Variants in KLKB1 observed in about 807,000 individuals in gnomAD.
KLKB1 encodes plasma kallikrein.
A neutral mutation model predicts 73.6 loss-of-function variants in KLKB1; 58 were observed. That is an observed-to-expected ratio of 0.79 (90% CI 0.64 to 0.98). The LOEUF (loss-of-function observed/expected upper bound fraction) is 0.98. Among genes scored for constraint, KLKB1 ranks in the 50% least tolerant of loss-of-function variants. KLKB1 has a pLI of 0.00. For missense variants in KLKB1, 737 were observed against 763.8 expected (o/e 0.96, Z 0.41); for synonymous variants, 280 against 258.1 (o/e 1.08, Z -0.81).
chr4:186,251,034 G>A lies in KLKB1; in HGVS notation c.759-185G>A, dbSNP rs2126668901. 3 of 578,260 alleles carry A rather than the reference G, an allele frequency of 5.2e-6. No individual in the cohort carries two copies. The East Asian group carries it at 8.6e-5, about 17-fold the overall frequency. 35.8% of individuals were successfully genotyped at this position (578,260 alleles called of 1,614,324 possible). On this transcript the variant is annotated intron_variant, in intron 7 of 14. Coordinates refer to ENST00000264690, the MANE Select transcript of KLKB1 (RefSeq NM_000892.5). ...ATTAGTTTTCTCCAGAGGGAGAGGT[G>A]GCTTGATTTACATTTAATCTCTGCA...
intron 14 of KLKB1, 103 bp from the exon 15 acceptor site, chr4:186,257,918 G>T (rs949907557): frequency 1.0e-6 from 1 of 984,100 alleles, no homozygotes. Context: ...GTATCTGTGT[G>T]TGTGTGTTGC....
chr4:186,242,357 C>T (rs4253269), intron 6 of KLKB1, among the ~76,000 whole-genome samples: 36,594 of 151,842 alleles, frequency 0.24, 4,817 homozygotes, highest in South Asian at 0.31. Flanking sequence ...AAAAAGAAAA[C>T]GAAATAGTGG....
At chr4:186,226,902 G>T (rs974135945), upstream of KLKB1, among the ~76,000 whole-genome samples, 1 of 152,154 alleles carries the variant, frequency 6.6e-6, no homozygotes, top group African/African-American at 2.4e-5. Context: ...GCTGGAGCAG[G>T]CCTGAAGTCT....
At chr4:186,224,201 G>C (rs945526003), upstream of KLKB1, among the ~76,000 whole-genome samples, 14 of 152,256 alleles carry the variant, frequency 9.2e-5, 1 homozygote, top group Admixed American at 1.3e-4. Flanking sequence ...CAGGGACCCA[G>C]CCCTCATGGA....
intron 5 of KLKB1, among the ~76,000 whole-genome samples, 162 bp from the exon 6 acceptor site, chr4:186,238,094 C>T (rs577770522): frequency 2.0e-5 from 3 of 152,184 alleles, no homozygotes; most frequent in East Asian, 3.9e-4. Flanking sequence ...TACCCCTTTG[C>T]GAGGGGAAGG....
chr4:186,239,269 GTTATA>G, intron 6 of KLKB1, among the ~76,000 whole-genome samples: 3 of 136,822 alleles, frequency 2.2e-5, no homozygotes, highest in African/African-American at 8.8e-5. Context: ...TACTGTTATA[GTTATA>G]GAAAACTAGT....
chr4:186,223,616 A>G (rs919223876), upstream of KLKB1, among the ~76,000 whole-genome samples: 4 of 152,240 alleles, frequency 2.6e-5, no homozygotes, highest in African/African-American at 9.6e-5. Flanking sequence ...TCTAAGCAGA[A>G]AAGCATTCAA....
At chr4:186,226,031 C>G (rs1737156854), upstream of KLKB1, among the ~76,000 whole-genome samples, 1 of 151,860 alleles carries the variant, frequency 6.6e-6, no homozygotes, top group Non-Finnish European at 1.5e-5. Flanking sequence ...CCTGCTTGAT[C>G]TAGTCTGCTG....
chr4:186,257,111 C>CTT, intron 13 of KLKB1, 115 bp from the exon 14 acceptor site: 1 of 593,240 alleles, frequency 1.7e-6, no homozygotes, highest in South Asian at 2.7e-5. Context: ...CACTTTAAAA[C>CTT]TTATTTCCAT....
chr4:186,239,255 G>C (rs1310301354), intron 6 of KLKB1, among the ~76,000 whole-genome samples: 3 of 131,658 alleles, frequency 2.3e-5, no homozygotes, highest in Non-Finnish European at 1.6e-5. Flanking sequence ...ATATAGGACA[G>C]TGATACTGTT....
intron 2 of KLKB1, among the ~76,000 whole-genome samples, chr4:186,214,978 G>A (rs936350274): frequency 6.6e-6 from 1 of 152,016 alleles, no homozygotes. Context: ...TTCTGTTGTG[G>A]TTTGCATTTA....
intron 4 of KLKB1, among the ~76,000 whole-genome samples, chr4:186,236,025 A>G (rs1181359163): frequency 6.6e-6 from 1 of 151,420 alleles, no homozygotes; most frequent in Non-Finnish European, 1.5e-5. Flanking sequence ...GAGGCAGGAG[A>G]ATGGCGTGAA....
upstream of KLKB1, among the ~76,000 whole-genome samples, chr4:186,226,736 C>T (rs1360232528): frequency 6.6e-6 from 1 of 152,150 alleles, no homozygotes; most frequent in Non-Finnish European, 1.5e-5. Flanking sequence ...CATCTGGGTC[C>T]ACATGGCCCA....
intron 6 of KLKB1, among the ~76,000 whole-genome samples, chr4:186,244,705 C>T (rs886398496): frequency 2.6e-5 from 4 of 152,118 alleles, no homozygotes; most frequent in Admixed American, 2.0e-4. Context: ...TAATGAGGCA[C>T]AGATCCTGAA....
At chr4:186,224,306 A>G (rs1043533109), upstream of KLKB1, among the ~76,000 whole-genome samples, 1 of 152,170 alleles carries the variant, frequency 6.6e-6, no homozygotes, top group Non-Finnish European at 1.5e-5. Context: ...CTGTGAAAAG[A>G]GTTCCCCCAT....
chr4:186,246,729 G>T (rs1033527566), intron 6 of KLKB1, among the ~76,000 whole-genome samples: 13 of 152,016 alleles, frequency 8.6e-5, no homozygotes, highest in Admixed American at 8.5e-4. Context: ...AGAAGGGGTG[G>T]GGGGGTGCTT....
chr4:186,252,773 G>GT (rs1286213257), intron 11 of KLKB1, among the ~76,000 whole-genome samples: 1 of 150,528 alleles, frequency 6.6e-6, no homozygotes, highest in African/African-American at 2.4e-5. Flanking sequence ...AATCCCTGAT[G>GT]TGTTCTTCAA....
At position 186,254,016 on chromosome 4, in the gene KLKB1, A is replaced by G. The variant is rs567990057; in HGVS notation, c.1314-572A>G. Among the ~76,000 whole-genome samples the G allele has an allele frequency of 1.5e-3, 228 of 152,208 alleles. 2 individuals carry two copies. Among genetic ancestry groups the G allele is most frequent in the African/African-American group, 5.2e-3 (218 of 41,550 alleles). ...CCTGGCTAATTTTTGTATTTTTAGT[A>G]GAGACGAGGTTTCATCATGTTGGTC... On this transcript the variant is annotated intron_variant, in intron 11 of 14. Transcript: ENST00000264690.
At chr4:186,241,564 A>G (rs879683803) in intron 6 of KLKB1, among the ~76,000 whole-genome samples, 1 of 152,198 alleles carries the variant, frequency 6.6e-6, no homozygotes, top group Non-Finnish European at 1.5e-5. Context: ...ACGTTTCCTC[A>G]GTTAATTTAA....
Sources: allele counts gnomAD v4.1 joint callset (sites outside exome capture counted in the v4.1 genomes callset), GRCh38; gene constraint gnomAD v4.1.1; transcripts MANE v1.5; gene names NCBI Gene and HGNC (gene_info 2026-07-23, HGNC 2026-07-21).